The following SPSB1 variants were observed in gnomAD, a reference collection of about 807,000 sequenced individuals.
The protein encoded by SPSB1 is SPRY domain-containing SOCS box protein 1.
A neutral mutation model predicts 21.2 loss-of-function variants in SPSB1; 8 were observed. That is an observed-to-expected ratio of 0.38 (90% CI 0.22 to 0.68). SPSB1 has a LOEUF of 0.68. Among genes scored for constraint, SPSB1 ranks in the 30% least tolerant of loss-of-function variants. The pLI is 0.53. For synonymous variants in SPSB1, 169 were observed against 161.7 expected (o/e 1.05, Z -0.34); for missense variants, 242 against 377.8 (o/e 0.64, Z 2.98).
chr1:9,343,995 A>C (rs1057090569), intron 1 of SPSB1, among the ~76,000 whole-genome samples: 5 of 152,112 alleles, frequency 3.3e-5, no homozygotes, highest in South Asian at 2.1e-4. Context: ...TCACCGTGTT[A>C]GCCAGGATGG....
chr1:9,334,438 C>T (rs1162710064), intron 1 of SPSB1, among the ~76,000 whole-genome samples: 2 of 152,186 alleles, frequency 1.3e-5, no homozygotes, highest in East Asian at 1.9e-4. Context: ...CCAGGCTGGT[C>T]TCGAACTTCT....
rs1288625192 is a variant in SPSB1, at chr1:9,321,245, T to A, written c.-150+28174T>A. On this transcript the variant is annotated intron_variant, in intron 1 of 2. Transcript: ENST00000328089. The surrounding 1 kb of genome is among the most constrained non-coding windows in gnomAD (Gnocchi z 4.8). ...CTTAAACATTTACATTCTTGGGGCTTAGCTGACTCCTTCGAGCGTCGAGTT... is the reference window on the plus strand; with the variant it reads ...CTTAAACATTTACATTCTTGGGGCTAAGCTGACTCCTTCGAGCGTCGAGTT... Among the ~76,000 whole-genome samples the A allele has an allele frequency of 6.6e-6, 1 of 152,148 alleles. No individual in the cohort carries two copies. The highest frequency in any genetic ancestry group is 1.5e-5 in the Non-Finnish European group (1 of 68,028).
chr1:9,309,561 G>A (rs1359130818), intron 1 of SPSB1, among the ~76,000 whole-genome samples: 1 of 152,160 alleles, frequency 6.6e-6, no homozygotes, highest in East Asian at 1.9e-4. Flanking sequence ...GTGGTAATCA[G>A]GCCAGGCACA....
chr1:9,325,594 C>G (rs532904283), intron 1 of SPSB1, among the ~76,000 whole-genome samples: 2 of 152,298 alleles, frequency 1.3e-5, no homozygotes, highest in Admixed American at 1.3e-4. Context: ...ATGTATTGAG[C>G]ACTTACTCTG....
At chr1:9,322,338 G>C (rs1202023402) in intron 1 of SPSB1, among the ~76,000 whole-genome samples, 1 of 152,198 alleles carries the variant, frequency 6.6e-6, no homozygotes, top group Admixed American at 6.5e-5. Flanking sequence ...GTTATAGCCG[G>C]TAAGGGCAGA....
chr1:9,331,801 G>T (rs1639925333), intron 1 of SPSB1, among the ~76,000 whole-genome samples: 8 of 152,196 alleles, frequency 5.3e-5, no homozygotes, highest in Non-Finnish European at 7.3e-5. Flanking sequence ...TAGCAATCTG[G>T]AGGGTGCAAC....
At chr1:9,352,028 C>A (rs759003726) in intron 1 of SPSB1, among the ~76,000 whole-genome samples, 3 of 152,230 alleles carry the variant, frequency 2.0e-5, no homozygotes, top group Non-Finnish European at 2.9e-5. Context: ...CCCTCCCTCC[C>A]ACAGACTCCC....
At chr1:9,354,378 C>G (rs915685617) in intron 1 of SPSB1, among the ~76,000 whole-genome samples, 15 of 152,316 alleles carry the variant, frequency 9.8e-5, no homozygotes, top group Admixed American at 3.9e-4. Context: ...TCAACGGGAG[C>G]CTGCCTTGCC....
intron 1 of SPSB1, among the ~76,000 whole-genome samples, chr1:9,337,691 TC>T (rs1640026375): frequency 6.6e-6 from 1 of 152,282 alleles, no homozygotes; most frequent in South Asian, 2.1e-4. Context: ...TGATGGGGAC[TC>T]CCTGGCCACC....
intron 1 of SPSB1, among the ~76,000 whole-genome samples, chr1:9,309,261 G>GGGGAGA (rs1491287377): frequency 4.2e-4 from 62 of 147,186 alleles, no homozygotes; most frequent in African/African-American, 1.5e-3. Flanking sequence ...GCTCCCCTGC[G>GGGGAGA]GAGAGAGAGA....
At chr1:9,319,481 C>T (rs113593781) in intron 1 of SPSB1, among the ~76,000 whole-genome samples, 6 of 152,152 alleles carry the variant, frequency 3.9e-5, no homozygotes, top group African/African-American at 7.2e-5. Context: ...TGAGAGGCTC[C>T]GAGGCCCTGC....
chr1:9,363,200 G>A lies in SPSB1; in HGVS notation c.695-4248G>A, dbSNP rs147156486. On this transcript the variant is annotated intron_variant, in intron 2 of 2. Transcript: ENST00000328089. The surrounding 1 kb of genome is among the most constrained non-coding windows in gnomAD (Gnocchi z 4.5). ...AAAGCAGTTAGACCGGGCCCTATGC[G>A]CCATCAGTTTCCTCCTGCAAGATCA... 3.9e-5 allele frequency among the ~76,000 whole-genome samples: 6 copies of A among 152,270 alleles called. No homozygotes were observed. Among genetic ancestry groups the A allele is most frequent in the African/African-American group, 1.4e-4 (6 of 41,544 alleles).
At chr1:9,328,020 G>A (rs190118500) in intron 1 of SPSB1, among the ~76,000 whole-genome samples, 1 of 152,356 alleles carries the variant, frequency 6.6e-6, no homozygotes, top group East Asian at 1.9e-4. Context: ...TCACACTTAC[G>A]CTTTGGGAGG....
At chr1:9,313,422 A>G (rs1569580010) in intron 1 of SPSB1, among the ~76,000 whole-genome samples, 1 of 149,104 alleles carries the variant, frequency 6.7e-6, no homozygotes, top group Non-Finnish European at 1.5e-5. Context: ...AAAATGAAAT[A>G]AAATAAAATA....
Position 9,356,475 on chromosome 1 carries a change from A to G in SPSB1, c.584A>G (p.Gln195Arg). The G allele has an allele frequency of 6.2e-7, 1 of 1,613,990 alleles. No homozygotes were observed. The change falls in exon 2 of 3, where the codon CAG becomes CGG. Residue 195 changes from glutamine (Q) to arginine (R), a missense_variant. Gln to Arg is a conservative substitution (Grantham distance 43, BLOSUM62 1). Transcript: ENST00000328089. The surrounding 1 kb of genome is among the most constrained non-coding windows in gnomAD (Gnocchi z 7.4). ...ACTCTGAGCTTCATTGTGGATGGACAGTACATGGGAGTGGCTTTTCGGGGA... is the reference window on the plus strand; with the variant it reads ...ACTCTGAGCTTCATTGTGGATGGACGGTACATGGGAGTGGCTTTTCGGGGA... ...DGTLSFIVDG[Q>R]YMGVAFRGLK... is the part of the protein sequence containing the mutation.
At chr1:9,307,160 T>C (rs1639430265) in intron 1 of SPSB1, among the ~76,000 whole-genome samples, 2 of 152,172 alleles carry the variant, frequency 1.3e-5, no homozygotes, top group Non-Finnish European at 1.5e-5. Context: ...ACTCCTGACC[T>C]CAGGTGATCT....
Position 9,292,974 on chromosome 1 carries a change from G to T in SPSB1, c.-247G>T, listed in dbSNP as rs1391337077. ...GCGCCGGCGCCGGGGCCGGGGCCGC[G>T]GGGAGGAGGCGACTTCGCTCCCTGC... On this transcript the variant is annotated 5_prime_UTR_variant, in exon 1 of 3. Coordinates refer to ENST00000328089, the MANE Select transcript of SPSB1 (RefSeq NM_025106.4). 1.0e-6 allele frequency: 1 copy of T among 982,988 alleles called. No individual in the cohort carries two copies. The highest frequency in any genetic ancestry group is 1.2e-6 in the Non-Finnish European group (1 of 828,866). 60.9% of individuals were successfully genotyped at this position (982,988 alleles called of 1,614,324 possible). A position where few individuals can be genotyped will look rare whatever the true frequency, so the allele number is the denominator to read the frequency against.
At chr1:9,339,265 CG>C (rs1169317389) in intron 1 of SPSB1, 1 of 985,240 alleles carries the variant, frequency 1.0e-6, no homozygotes, top group Non-Finnish European at 1.2e-6. Context: ...CCAGGTCCCC[CG>C]GTAGGTATCT....
chr1:9,336,267 G>A (rs112919797), intron 1 of SPSB1, among the ~76,000 whole-genome samples: 10 of 151,922 alleles, frequency 6.6e-5, no homozygotes, highest in African/African-American at 2.2e-4. Context: ...CACTCTTGTT[G>A]CCCAGGCTGG....
Sources: allele counts gnomAD v4.1 joint callset (sites outside exome capture counted in the v4.1 genomes callset), GRCh38; gene constraint gnomAD v4.1.1; non-coding constraint Gnocchi (gnomAD v3.1); transcripts MANE v1.5; gene names NCBI Gene and HGNC (gene_info 2026-07-23, HGNC 2026-07-21).